The following RNGTT variants were observed in gnomAD, a reference collection of about 807,000 sequenced individuals.
The protein encoded by RNGTT is mRNA-capping enzyme.
RNGTT carries 33 observed loss-of-function variants against 79.3 expected under a neutral mutation model. That is an observed-to-expected ratio of 0.42 (90% CI 0.32 to 0.56). The LOEUF (loss-of-function observed/expected upper bound fraction) is 0.56. Among genes scored for constraint, RNGTT ranks in the 20% least tolerant of loss-of-function variants. The pLI, the probability that RNGTT is intolerant of heterozygous loss-of-function variation, is 0.17. For missense variants in RNGTT, 497 were observed against 739.1 expected, an observed-to-expected ratio of 0.67 and a Z score of 3.80; for synonymous variants, 222 against 235.9, an observed-to-expected ratio of 0.94 and a Z score of 0.54.
chr6:88,830,422 C>T (rs1451902567), intron 11 of RNGTT, among the ~76,000 whole-genome samples: 2 of 152,082 alleles, frequency 1.3e-5, no homozygotes, highest in African/African-American at 2.4e-5. Context: ...GACACAGCTA[C>T]AGCAGTGTTT....
intron 4 of RNGTT, among the ~76,000 whole-genome samples, chr6:88,926,855 C>A (rs1294568545): frequency 6.6e-6 from 1 of 152,176 alleles, no homozygotes; most frequent in Non-Finnish European, 1.5e-5. Flanking sequence ...AGGAAATGTT[C>A]AATATGTGAT....
rs1785720236 is a variant in RNGTT, at chr6:88,963,481, C to T, written c.-72G>A. ...GCCTTTGGAGCCGCCTCCCCGTGGT[C>T]CGGTGCACACCGGGGTCCGAGACAC... On this transcript the variant is annotated 5_prime_UTR_variant, in exon 1 of 16. Transcript: ENST00000369485. 3 of 1,387,936 alleles carry T rather than the reference C, an allele frequency of 2.2e-6. No individual in the cohort carries two copies. The highest frequency in any genetic ancestry group is 5.3e-5 in the East Asian group (2 of 37,584). The allele number at this position is 1,387,936 out of a possible 1,614,324, so 86.0% of individuals were successfully genotyped here.
intron 2 of RNGTT, among the ~76,000 whole-genome samples, chr6:88,936,237 G>A (rs930172721): frequency 6.6e-6 from 1 of 152,208 alleles, no homozygotes; most frequent in Non-Finnish European, 1.5e-5. Context: ...CAGCCTGTAT[G>A]TTGATTCTGT....
chr6:88,705,120 T>C (rs539415213), intron 13 of RNGTT, among the ~76,000 whole-genome samples: 19 of 152,194 alleles, frequency 1.2e-4, no homozygotes, highest in Non-Finnish European at 1.8e-4. Flanking sequence ...TGACTCAACA[T>C]TGAAACCACT....
chr6:88,612,617 A>T lies in RNGTT; in HGVS notation c.*102T>A. The T allele has an allele frequency of 1.6e-6, 2 of 1,286,292 alleles. No homozygotes were observed. Among genetic ancestry groups the T allele is most frequent in the Non-Finnish European group, 2.2e-6 (2 of 921,960 alleles). The allele number at this position is 1,286,292 out of a possible 1,614,324, so 79.7% of individuals were successfully genotyped here. A position where few individuals can be genotyped will look rare whatever the true frequency, so the allele number is the denominator to read the frequency against. On this transcript the variant is annotated 3_prime_UTR_variant, in exon 16 of 16. Coordinates refer to ENST00000369485, the MANE Select transcript of RNGTT (RefSeq NM_003800.5). ...AAAAAAAATTCAAATGTGTATCAAC[A>T]TCAAGCCACAGTCGTTTTTCAATTT...
intron 14 of RNGTT, among the ~76,000 whole-genome samples, chr6:88,629,227 C>A (rs549494901): frequency 1.4e-4 from 21 of 152,222 alleles, no homozygotes. Flanking sequence ...GAGTAATATA[C>A]AAAAATTTTA....
intron 12 of RNGTT, among the ~76,000 whole-genome samples, chr6:88,771,291 C>A (rs924355453): frequency 5.6e-5 from 5 of 88,862 alleles, no homozygotes; most frequent in African/African-American, 2.0e-4. Context: ...AAGCACAGGA[C>A]TGTATGTATG....
intron 14 of RNGTT, among the ~76,000 whole-genome samples, chr6:88,625,354 C>T (rs1402029072): frequency 1.3e-5 from 2 of 151,916 alleles, no homozygotes; most frequent in African/African-American, 4.8e-5. Flanking sequence ...GGTGAATAAA[C>T]ACATTGCAGT....
At chr6:88,915,090 T>C (rs756385339) in intron 4 of RNGTT, among the ~76,000 whole-genome samples, 3 of 152,172 alleles carry the variant, frequency 2.0e-5, no homozygotes, top group Non-Finnish European at 4.4e-5. Context: ...CCAGTCAGAA[T>C]GGTTATTACT....
intron 14 of RNGTT, among the ~76,000 whole-genome samples, chr6:88,646,204 T>A (rs1773550237): frequency 6.6e-6 from 1 of 152,180 alleles, no homozygotes; most frequent in African/African-American, 2.4e-5. Flanking sequence ...CAGACACTTC[T>A]CAAAAGAAGA....
intron 6 of RNGTT, among the ~76,000 whole-genome samples, chr6:88,892,363 A>G (rs1157292851): frequency 1.3e-5 from 2 of 152,214 alleles, no homozygotes; most frequent in Admixed American, 6.5e-5. Flanking sequence ...CCAACCACCA[A>G]TGGAGAGAAG....
chr6:88,938,109 C>T (rs898330919), intron 2 of RNGTT, among the ~76,000 whole-genome samples: 3 of 152,168 alleles, frequency 2.0e-5, no homozygotes, highest in Non-Finnish European at 1.5e-5. Context: ...GACAATCTGT[C>T]TAATGATGAC....
chr6:88,636,617 G>T (rs556599447), intron 14 of RNGTT, among the ~76,000 whole-genome samples: 65 of 150,940 alleles, frequency 4.3e-4, no homozygotes, highest in Middle Eastern at 3.4e-3. Context: ...ATGGTATTAT[G>T]GTTTTGGTTT....
At chr6:88,771,309 GTGTGTGTATATA>G (rs1282776302) in intron 12 of RNGTT, among the ~76,000 whole-genome samples, 1,791 of 87,340 alleles carry the variant, frequency 0.021, 36 homozygotes, top group African/African-American at 0.046. Flanking sequence ...ATGTATGTGT[GTGTGTGTATATA>G]TATATATATA....
chr6:88,732,111 A>G lies in RNGTT; in HGVS notation c.1439+37663T>C, dbSNP rs116815925. ...GGTGGCAGAGGCAGGAGAAAATCCA[A>G]GTTAAGTAGACTCACACAGTTCAAA... On this transcript the variant is annotated intron_variant, in intron 13 of 15. Transcript: ENST00000369485. Among the ~76,000 whole-genome samples, 779 of 152,244 alleles carry G rather than the reference A, an allele frequency of 5.1e-3. 6 individuals carry two copies. Among genetic ancestry groups the G allele is most frequent in the African/African-American group, 0.017 (706 of 41,546 alleles).
At chr6:88,917,848 C>A (rs1200190365) in intron 4 of RNGTT, among the ~76,000 whole-genome samples, 1 of 152,120 alleles carries the variant, frequency 6.6e-6, no homozygotes, top group Non-Finnish European at 1.5e-5. Flanking sequence ...GATCATGCCA[C>A]TGCACTCTAG....
At chr6:88,941,605 G>GC (rs2127958821) in intron 1 of RNGTT, among the ~76,000 whole-genome samples, 1 of 151,990 alleles carries the variant, frequency 6.6e-6, no homozygotes. Context: ...ATCTAAAAAT[G>GC]CAAGTGTTCA....
intron 14 of RNGTT, among the ~76,000 whole-genome samples, chr6:88,619,609 G>A (rs541914232): frequency 2.0e-5 from 3 of 152,158 alleles, no homozygotes; most frequent in Non-Finnish European, 4.4e-5. Flanking sequence ...AAAGAAGAAC[G>A]GGGGTGTGGA....
intron 13 of RNGTT, among the ~76,000 whole-genome samples, chr6:88,691,014 A>G (rs1208917302): frequency 6.6e-6 from 1 of 152,160 alleles, no homozygotes; most frequent in African/African-American, 2.4e-5. Flanking sequence ...AAATCCTAAT[A>G]CTGAACAAAA....
Sources: gnomAD v4.1 joint callset for allele counts (sites outside exome capture counted in the v4.1 genomes callset) on GRCh38, gnomAD v4.1.1 for gene constraint, MANE v1.5 for transcripts, NCBI Gene and HGNC (gene_info 2026-07-23, HGNC 2026-07-21) for gene names.